The following NHSL2 variants were observed in gnomAD, a reference collection of about 807,000 sequenced individuals.
The protein encoded by NHSL2 is NHS-like protein 2.
NHSL2 carries 27 observed loss-of-function variants against 53.4 expected under a neutral mutation model. The ratio of observed to expected loss-of-function variants is 0.51; its 90% CI spans 0.37 to 0.70. NHSL2 has a LOEUF of 0.70. NHSL2 is among the 30% of genes least tolerant of loss of function. NHSL2 has a pLI of 0.00. For synonymous variants in NHSL2, 408 were observed against 404.1 expected, an observed-to-expected ratio of 1.01 and a Z score of -0.12; for missense variants, 892 against 980.1, an observed-to-expected ratio of 0.91 and a Z score of 1.20.
intron 1 of NHSL2, among the ~76,000 whole-genome samples, chrX:71,995,209 C>G (rs1475657385): frequency 8.9e-6 from 1 of 112,202 alleles, no homozygotes; most frequent in African/African-American, 3.2e-5. Flanking sequence ...GATCTGTTCT[C>G]CTGTCATCTC....
At chrX:72,142,539 A>C (rs2042426076) in intron 7 of NHSL2, among the ~76,000 whole-genome samples, 175 bp downstream of exon 7, 1 of 111,624 alleles carries the variant, frequency 9.0e-6, no homozygotes, top group African/African-American at 3.3e-5. Flanking sequence ...CTAAGTTCAG[A>C]TACCCACATA....
intron 1 of NHSL2, among the ~76,000 whole-genome samples, chrX:71,987,012 A>C (rs2042005697): frequency 8.9e-6 from 1 of 111,826 alleles, no homozygotes; most frequent in Non-Finnish European, 1.9e-5. Flanking sequence ...ATCTTTTACC[A>C]AAAACACATT....
chrX:71,996,444 C>T (rs2042050664), intron 1 of NHSL2, among the ~76,000 whole-genome samples: 1 of 112,361 alleles, frequency 8.9e-6, no homozygotes, highest in South Asian at 3.7e-4. Context: ...ATAGCATCCA[C>T]CCCATTTTTC....
intron 1 of NHSL2, among the ~76,000 whole-genome samples, chrX:72,051,826 C>A (rs66558634): frequency 0.12 from 12,767 of 110,565 alleles, 1,227 homozygotes; most frequent in African/African-American, 0.31. Context: ...ACCTCTGGTC[C>A]TGCCACCATT....
intron 1 of NHSL2, among the ~76,000 whole-genome samples, chrX:72,032,102 A>AT (rs1318321032): frequency 2.7e-5 from 3 of 109,642 alleles, no homozygotes; most frequent in African/African-American, 1.0e-4. Context: ...AAAAAAAAAA[A>AT]AAAAATAAGC....
At chrX:72,097,431 G>A (rs1240928524) in intron 1 of NHSL2, among the ~76,000 whole-genome samples, 1 of 111,979 alleles carries the variant, frequency 8.9e-6, no homozygotes, top group Non-Finnish European at 1.9e-5. Flanking sequence ...CTTTTTGGGG[G>A]AGAAGGGGGA....
intron 1 of NHSL2, among the ~76,000 whole-genome samples, chrX:72,011,599 G>A (rs2042116119): frequency 9.0e-6 from 1 of 111,353 alleles, no homozygotes; most frequent in Non-Finnish European, 1.9e-5. Flanking sequence ...CAACCTGGGA[G>A]GTGGAGGTTG....
At chrX:72,141,477 C>T in intron 6 of NHSL2, 1 of 114,780 alleles carries the variant, frequency 8.7e-6, no homozygotes, top group Non-Finnish European at 1.9e-5. Context: ...TGTTAAGCAA[C>T]CAATCTCCCG....
intron 1 of NHSL2, among the ~76,000 whole-genome samples, chrX:72,120,443 T>G (rs1292887352): frequency 8.9e-6 from 1 of 112,441 alleles, no homozygotes; most frequent in Non-Finnish European, 1.9e-5. Context: ...TTCTAGGAAT[T>G]TAAGCATTTC....
At chrX:72,125,993 G>T (rs933772551) in intron 1 of NHSL2, among the ~76,000 whole-genome samples, 1 of 111,910 alleles carries the variant, frequency 8.9e-6, no homozygotes, top group African/African-American at 3.3e-5. Flanking sequence ...TATGGGTTTG[G>T]GAGTCACGAA....
chrX:71,984,448 T>C (rs890950501), intron 1 of NHSL2, among the ~76,000 whole-genome samples: 1 of 111,965 alleles, frequency 8.9e-6, no homozygotes, highest in African/African-American at 3.2e-5. Context: ...CAAGCTAATA[T>C]GGGGTTGCTA....
intron 1 of NHSL2, among the ~76,000 whole-genome samples, chrX:71,950,777 C>A (rs776546536): frequency 3.2e-4 from 36 of 111,653 alleles, no homozygotes; most frequent in African/African-American, 1.2e-3. Flanking sequence ...ACTGAACCAA[C>A]TAGCCATTTC....
chrX:72,094,547 G>A (rs2041928358), intron 1 of NHSL2, among the ~76,000 whole-genome samples: 1 of 110,311 alleles, frequency 9.1e-6, no homozygotes, highest in South Asian at 3.8e-4. Context: ...AAAAAGGCAG[G>A]GCAGGTTCAC....
chrX:72,079,653 G>T (rs1195634571), intron 1 of NHSL2: 1 of 112,705 alleles, frequency 8.9e-6, no homozygotes, highest in African/African-American at 3.2e-5. Flanking sequence ...AAGTGTGTGT[G>T]TGGAAGAGAG....
intron 1 of NHSL2, among the ~76,000 whole-genome samples, chrX:72,099,661 G>A (rs2041975273): frequency 9.0e-6 from 1 of 111,173 alleles, no homozygotes; most frequent in African/African-American, 3.3e-5. Flanking sequence ...GAGCCGCCAC[G>A]CCGGCCACCA....
chrX:71,933,088 G>T (rs1033309202), intron 1 of NHSL2, among the ~76,000 whole-genome samples: 1 of 112,108 alleles, frequency 8.9e-6, no homozygotes, highest in Non-Finnish European at 1.9e-5. Flanking sequence ...GGAAGCATTG[G>T]CCTCCTTTTT....
At chrX:71,983,720 A>C (rs776271498) in intron 1 of NHSL2, among the ~76,000 whole-genome samples, 1 of 112,409 alleles carries the variant, frequency 8.9e-6, no homozygotes, top group East Asian at 2.8e-4. Context: ...TGATAAGCTT[A>C]ACAAGGGGTG....
In NHSL2 at chrX:71,942,972, C is replaced by CTCTGTGTGTGTG. The variant is rs1220648470; in HGVS notation, c.280+31606_280+31607insCTGTGTGTGTGT. Among the ~76,000 whole-genome samples, 504 of 73,985 alleles carry CTCTGTGTGTGTG rather than the reference C, an allele frequency of 6.8e-3. 9 individuals are homozygous for CTCTGTGTGTGTG. Among genetic ancestry groups the CTCTGTGTGTGTG allele is most frequent in the South Asian group, 0.027 (29 of 1,067 alleles). The allele number at this position is 73,985 out of a possible 115,157, so 64.2% of individuals were successfully genotyped here. Reference sequence around the variant, plus strand: ...GCTCTCTCTCTCTCTCTCTCTCTCTCTGTGTGTGTGTGTGTGTGTGTGTGT... The same window carrying CTCTGTGTGTGTG: ...GCTCTCTCTCTCTCTCTCTCTCTCTCTCTGTGTGTGTGTGTGTGTGTGTGTGTGTGTGTGTGT... On this transcript the variant is annotated intron_variant, in intron 1 of 7. Transcript: ENST00000633930.
intron 1 of NHSL2, among the ~76,000 whole-genome samples, chrX:72,011,324 A>G (rs1173558788): frequency 1.8e-5 from 2 of 112,555 alleles, no homozygotes; most frequent in Admixed American, 1.9e-4. Context: ...AATGCCCAAG[A>G]GTACAATTGC....
Sources: allele counts gnomAD v4.1 joint callset (sites outside exome capture counted in the v4.1 genomes callset), GRCh38; gene constraint gnomAD v4.1.1; transcripts MANE v1.5; gene names NCBI Gene and HGNC (gene_info 2026-07-23, HGNC 2026-07-21).